The following SLC17A1 variants were observed in gnomAD, a reference collection of about 807,000 sequenced individuals.
The protein encoded by SLC17A1 is sodium-dependent phosphate transport protein 1.
In SLC17A1, 51 loss-of-function variants were observed where a neutral mutation model predicts 53.5. That is an observed-to-expected ratio of 0.95 (90% CI 0.76 to 1.20). SLC17A1 has a LOEUF of 1.20. Among genes scored for constraint, SLC17A1 ranks in the 50% most tolerant of loss-of-function variants. The pLI, the probability that SLC17A1 is intolerant of heterozygous loss-of-function variation, is 0.00. For missense variants in SLC17A1, 538 were observed against 568.2 expected, an observed-to-expected ratio of 0.95 and a Z score of 0.54; for synonymous variants, 179 against 198.8, an observed-to-expected ratio of 0.90 and a Z score of 0.84.
the SLC17A1 span, among the ~76,000 whole-genome samples, chr6:25,725,728 A>T: frequency 6.6e-6 from 1 of 152,104 alleles, no homozygotes; most frequent in Admixed American, 6.6e-5. Flanking sequence ...AGCCTCCCGA[A>T]CAGCTGGGAC....
chr6:25,725,430 AC>A, the SLC17A1 span, among the ~76,000 whole-genome samples: 1 of 152,216 alleles, frequency 6.6e-6, no homozygotes. Context: ...CTTACATGCC[AC>A]ATTTAATTAT....
chr6:25,826,571 T>C lies in SLC17A1; in HGVS notation c.97A>G (p.Ile33Val). The change falls in exon 3 of 13, where the codon ATA (isoleucine) becomes GTA (valine). Residue 33 changes from isoleucine (I) to valine (V), a missense_variant. Coordinates refer to ENST00000244527, the MANE Select transcript of SLC17A1 (RefSeq NM_005074.5). ...TTCAGGCACGCACGCTGTGCTGTTA[T>C]TATAACATTACAACAGTGCACAAGG... ...SFLVHCCNVIITAQRACLNLT... is the reference protein window; with the variant it reads ...SFLVHCCNVIVTAQRACLNLT... 6.2e-7 allele frequency: 1 copy of C among 1,611,666 alleles called. No individual in the cohort carries two copies. The highest frequency in any genetic ancestry group is 8.5e-7 in the Non-Finnish European group (1 of 1,178,544).
At chr6:25,740,265 G>T in the SLC17A1 span, among the ~76,000 whole-genome samples, 3 of 152,130 alleles carry the variant, frequency 2.0e-5, no homozygotes, top group Admixed American at 2.0e-4. Context: ...GGAAGACAAT[G>T]ATCCTAAACC....
chr6:25,773,478 T>C, the SLC17A1 span: 1 of 1,613,110 alleles, frequency 6.2e-7, no homozygotes, highest in Non-Finnish European at 8.5e-7. Flanking sequence ...AGCTGCCTTC[T>C]GACGGAGGGG....
At chr6:25,798,988 T>C (rs1199916134) in intron 11 of SLC17A1, 69 bp from the exon 12 acceptor site, 1 of 1,428,508 alleles carries the variant, frequency 7.0e-7, no homozygotes, top group Non-Finnish European at 9.4e-7. Context: ...ATGTTTAAAA[T>C]GTAATATTAA....
At chr6:25,778,697 G>A (rs549048624), downstream of SLC17A1, among the ~76,000 whole-genome samples, 1 of 152,314 alleles carries the variant, frequency 6.6e-6, no homozygotes, top group South Asian at 2.1e-4. Context: ...AATAGCAAAT[G>A]CTTAGCAAAT....
chr6:25,815,337 C>T (rs1764311392), intron 6 of SLC17A1, among the ~76,000 whole-genome samples: 1 of 151,576 alleles, frequency 6.6e-6, no homozygotes, highest in Admixed American at 6.6e-5. Flanking sequence ...TAATAAACCT[C>T]AAACCACAGA....
the SLC17A1 span, among the ~76,000 whole-genome samples, chr6:25,769,377 A>G: frequency 2.0e-5 from 3 of 152,042 alleles, no homozygotes; most frequent in Non-Finnish European, 4.4e-5. Flanking sequence ...GCACTTTGGG[A>G]GGGTGAGGCA....
At chr6:25,725,950 T>G in the SLC17A1 span, among the ~76,000 whole-genome samples, 1 of 152,248 alleles carries the variant, frequency 6.6e-6, no homozygotes, top group East Asian at 1.9e-4. Flanking sequence ...TCCTTGAAAA[T>G]TCAGTCCCCG....
intron 12 of SLC17A1, among the ~76,000 whole-genome samples, chr6:25,786,592 G>A (rs779858395): frequency 6.6e-6 from 1 of 152,122 alleles, no homozygotes; most frequent in Non-Finnish European, 1.5e-5. Context: ...GTGATGCCAA[G>A]GAGATGGGCA....
At chr6:25,818,810 T>C (rs1211119029) in intron 6 of SLC17A1, among the ~76,000 whole-genome samples, 1 of 152,192 alleles carries the variant, frequency 6.6e-6, no homozygotes, top group Non-Finnish European at 1.5e-5. Flanking sequence ...CCTGGAGAGT[T>C]TCATATAAAA....
chr6:25,787,085 G>T (rs908409755), intron 12 of SLC17A1, among the ~76,000 whole-genome samples: 1 of 143,078 alleles, frequency 7.0e-6, no homozygotes, highest in African/African-American at 2.7e-5. Context: ...AGAGTGTGGG[G>T]TATAGTGGGG....
At chr6:25,822,092 C>T (rs995854713) in intron 3 of SLC17A1, among the ~76,000 whole-genome samples, 2 of 152,170 alleles carry the variant, frequency 1.3e-5, no homozygotes, top group African/African-American at 4.8e-5. Context: ...GACACAATCT[C>T]CTTGACTTTG....
intron 12 of SLC17A1, among the ~76,000 whole-genome samples, chr6:25,792,259 T>G (rs1415247476): frequency 2.0e-5 from 3 of 152,206 alleles, no homozygotes; most frequent in Non-Finnish European, 4.4e-5. Context: ...TGCCAGCCAA[T>G]GAGAAATCAA....
At chr6:25,732,252 C>T in the SLC17A1 span, among the ~76,000 whole-genome samples, 1 of 152,266 alleles carries the variant, frequency 6.6e-6, no homozygotes, top group East Asian at 1.9e-4. Context: ...CAACCTACGT[C>T]ATTTGCATCC....
At chr6:25,820,635 C>A (rs966166923) in intron 3 of SLC17A1, among the ~76,000 whole-genome samples, 1 of 152,026 alleles carries the variant, frequency 6.6e-6, no homozygotes, top group Non-Finnish European at 1.5e-5. Context: ...AATCCCAGCA[C>A]TTTGGGAGGA....
chr6:25,801,352 C>A (rs1018973036), intron 10 of SLC17A1, among the ~76,000 whole-genome samples: 1 of 152,166 alleles, frequency 6.6e-6, no homozygotes, highest in East Asian at 1.9e-4. Context: ...CTGGTTTACT[C>A]CCATAGGTCC....
At chr6:25,761,875 A>G in the SLC17A1 span, 2 of 1,037,028 alleles carry the variant, frequency 1.9e-6, no homozygotes, top group African/African-American at 1.6e-5. Flanking sequence ...GAATTGGGGT[A>G]ATATCATATA....
chr6:25,756,246 G>A, the SLC17A1 span, among the ~76,000 whole-genome samples: 10 of 152,104 alleles, frequency 6.6e-5, no homozygotes, highest in East Asian at 3.9e-4. Context: ...ACTCTGCATC[G>A]CCATGTTGGA....
Sources: allele counts gnomAD v4.1 joint callset (sites outside exome capture counted in the v4.1 genomes callset), GRCh38; gene constraint gnomAD v4.1.1; transcripts MANE v1.5; gene names NCBI Gene and HGNC (gene_info 2026-07-23, HGNC 2026-07-21).